SCGN: variants seen among roughly 807,000 people sequenced by gnomAD.
SCGN encodes secretagogin, EF-hand calcium binding protein.
A neutral mutation model predicts 39.7 loss-of-function variants in SCGN; 30 were observed. The ratio of observed to expected loss-of-function variants is 0.76; its 90% CI spans 0.57 to 1.03. The LOEUF (loss-of-function observed/expected upper bound fraction) is 1.03. Among genes scored for constraint, SCGN ranks in the 50% least tolerant of loss-of-function variants. SCGN has a pLI of 0.00. For synonymous variants in SCGN, 106 were observed against 114.1 expected (o/e 0.93, Z 0.45); for missense variants, 353 against 349.4 (o/e 1.01, Z -0.08).
chr6:25,659,458 G>C (rs1374266334), intron 2 of SCGN, among the ~76,000 whole-genome samples: 1 of 152,176 alleles, frequency 6.6e-6, no homozygotes, highest in Admixed American at 6.5e-5. Flanking sequence ...GTATTCAGCT[G>C]CATCACCCTT....
intron 4 of SCGN, among the ~76,000 whole-genome samples, chr6:25,669,252 C>A (rs373028227): frequency 3.3e-5 from 5 of 152,118 alleles, no homozygotes; most frequent in East Asian, 3.8e-4. Flanking sequence ...CAAAAGGACA[C>A]TTTTGATGAA....
chr6:25,689,389 A>G lies in SCGN; in HGVS notation c.574-84A>G, dbSNP rs1270788258. 2.5e-5 allele frequency: 33 copies of G among 1,345,704 alleles called. No homozygotes were observed. The South Asian group carries it at 3.3e-4, about 13-fold the overall frequency. The allele number at this position is 1,345,704 out of a possible 1,614,324, so 83.4% of individuals were successfully genotyped here. ...CTTAAAGGTCATTGACTCAAAGTTT[A>G]CAAAATTTGCCCAGGACTCTGGAAG... is the stretch of plus-strand genomic sequence containing the variant. On this transcript the variant is annotated intron_variant, in intron 8 of 10. Transcript: ENST00000377961.
intron 2 of SCGN, among the ~76,000 whole-genome samples, chr6:25,660,261 C>G (rs1390257641): frequency 6.6e-6 from 1 of 152,148 alleles, no homozygotes; most frequent in Non-Finnish European, 1.5e-5. Context: ...GTTAATTCCC[C>G]ACCACAATTC....
At chr6:25,683,500 T>G (rs1759664454) in intron 7 of SCGN, among the ~76,000 whole-genome samples, 1 of 152,202 alleles carries the variant, frequency 6.6e-6, no homozygotes, top group Admixed American at 6.5e-5. Context: ...CTCTCTGCCC[T>G]CTTAGTCCAT....
At chr6:25,691,274 C>A in intron 10 of SCGN, 150 bp downstream of exon 10, 1 of 560,534 alleles carries the variant, frequency 1.8e-6, no homozygotes, top group Non-Finnish European at 3.1e-6. Flanking sequence ...TGCTATGAAA[C>A]CCAACAAACC....
chr6:25,676,764 T>C (rs1759567881), intron 6 of SCGN, among the ~76,000 whole-genome samples: 1 of 152,150 alleles, frequency 6.6e-6, no homozygotes, highest in African/African-American at 2.4e-5. Flanking sequence ...CTTATCTGTC[T>C]TATTTTCCAT....
intron 7 of SCGN, among the ~76,000 whole-genome samples, chr6:25,682,479 A>G (rs902100292): frequency 6.6e-6 from 1 of 152,176 alleles, no homozygotes; most frequent in Non-Finnish European, 1.5e-5. Context: ...GGACAGGATA[A>G]AAGCAGAAGT....
intron 6 of SCGN, among the ~76,000 whole-genome samples, chr6:25,679,881 C>T (rs1379741500): frequency 7.2e-6 from 1 of 138,646 alleles, no homozygotes; most frequent in African/African-American, 2.5e-5. Context: ...TACTTCATAA[C>T]CAAACATGAA....
intron 10 of SCGN, among the ~76,000 whole-genome samples, chr6:25,699,675 G>A (rs1486420039): frequency 6.6e-6 from 1 of 152,048 alleles, no homozygotes; most frequent in Admixed American, 6.5e-5. Context: ...AGAACAAAAG[G>A]GGGTTTGGAT....
At chr6:25,674,923 A>G (rs1323343096) in intron 6 of SCGN, among the ~76,000 whole-genome samples, 2 of 152,270 alleles carry the variant, frequency 1.3e-5, no homozygotes, top group African/African-American at 4.8e-5. Flanking sequence ...TGTTAAATTT[A>G]AGCTAATAAT....
chr6:25,692,386 T>C (rs1437170086), intron 10 of SCGN, among the ~76,000 whole-genome samples: 2 of 152,190 alleles, frequency 1.3e-5, no homozygotes, highest in Non-Finnish European at 2.9e-5. Context: ...CTCTTATGCA[T>C]TGGAGCCAGG....
intron 6 of SCGN, among the ~76,000 whole-genome samples, chr6:25,681,164 T>G (rs940045341): frequency 6.6e-6 from 1 of 152,244 alleles, no homozygotes; most frequent in Non-Finnish European, 1.5e-5. Context: ...CCTATCTTGT[T>G]TAAAGTTTAG....
intron 10 of SCGN, among the ~76,000 whole-genome samples, chr6:25,700,893 T>C (rs772428587): frequency 6.6e-6 from 1 of 152,338 alleles, no homozygotes; most frequent in Non-Finnish European, 1.5e-5. Flanking sequence ...TTTATGATCA[T>C]AATTGCCTAC....
intron 4 of SCGN, among the ~76,000 whole-genome samples, chr6:25,668,840 A>G (rs1020574986): frequency 8.5e-5 from 13 of 152,296 alleles, no homozygotes; most frequent in South Asian, 2.1e-4. Context: ...GGCCGGGCGC[A>G]GTGGCTCACG....
At chr6:25,699,542 A>ATGG (rs1289878913) in intron 10 of SCGN, among the ~76,000 whole-genome samples, 2 of 146,054 alleles carry the variant, frequency 1.4e-5, no homozygotes, top group African/African-American at 5.1e-5. Flanking sequence ...ATGAGCTGAG[A>ATGG]TGGCACCACT....
chr6:25,688,509 G>A (rs1158821430), intron 7 of SCGN, among the ~76,000 whole-genome samples: 1 of 152,148 alleles, frequency 6.6e-6, no homozygotes, highest in East Asian at 1.9e-4. Flanking sequence ...CCAAGATTCA[G>A]CTGTTTTGGA....
rs765732154 is a variant in SCGN at position 25,652,461 on chromosome 6, G to C, written c.58G>C (p.Val20Leu). 2 of 1,614,088 alleles carry C rather than the reference G, an allele frequency of 1.2e-6. No individual in the cohort carries two copies. The highest frequency in any genetic ancestry group is 1.7e-6 in the Non-Finnish European group (2 of 1,180,020). ...CTTGGACGCCGCTGGCTTCTGGCAGGTCTGGCAGCGCTTTGATGCGGATGG... is the reference window on the plus strand; with the variant it reads ...CTTGGACGCCGCTGGCTTCTGGCAGCTCTGGCAGCGCTTTGATGCGGATGG... Reference protein sequence around the residue: ...GRLDAAGFWQVWQRFDADEKG... With the variant: ...GRLDAAGFWQLWQRFDADEKG... The change falls in exon 1 of 11, where the codon GTC (valine) becomes CTC (leucine). Residue 20 changes from valine (V) to leucine (L), a missense_variant. By Grantham distance (32) the Val-to-Leu change is conservative. Transcript: ENST00000377961.
chr6:25,681,250 C>T (rs1759633593), intron 6 of SCGN, among the ~76,000 whole-genome samples: 1 of 152,216 alleles, frequency 6.6e-6, no homozygotes, highest in African/African-American at 2.4e-5. Flanking sequence ...AGTGTCAACA[C>T]CTTTTGCCTT....
chr6:25,686,911 T>C (rs926389401), intron 7 of SCGN, among the ~76,000 whole-genome samples: 1 of 152,196 alleles, frequency 6.6e-6, no homozygotes, highest in Non-Finnish European at 1.5e-5. Context: ...TTATTTTGCA[T>C]GTAGATATCT....
Sources: allele counts gnomAD v4.1 joint callset (sites outside exome capture counted in the v4.1 genomes callset), GRCh38; gene constraint gnomAD v4.1.1; transcripts MANE v1.5; gene names NCBI Gene and HGNC (gene_info 2026-07-23, HGNC 2026-07-21).